The following PHLDB3 variants were observed in gnomAD, a reference collection of about 807,000 sequenced individuals.
PHLDB3 encodes the protein pleckstrin homology like domain family B member 3.
In PHLDB3, 86 loss-of-function variants were observed where a neutral mutation model predicts 85.7. The ratio of observed to expected loss-of-function variants is 1.00; its 90% CI spans 0.84 to 1.20. The LOEUF (loss-of-function observed/expected upper bound fraction) is 1.20, where lower values mean the gene tolerates loss of function less well. PHLDB3 is among the 50% of genes most tolerant of loss of function. The probability of loss-of-function intolerance (pLI) is 0.00; values close to 1 mark genes in which losing one functional copy is unlikely to be tolerated. For synonymous variants in PHLDB3, 376 were observed against 349.8 expected, an observed-to-expected ratio of 1.07 and a Z score of -0.83; for missense variants, 995 against 873.0, an observed-to-expected ratio of 1.14 and a Z score of -1.76.
chr19:43,488,526 C>T (rs1971237695), intron 9 of PHLDB3, among the ~76,000 whole-genome samples: 1 of 152,012 alleles, frequency 6.6e-6, no homozygotes, highest in African/African-American at 2.4e-5. Context: ...ACCCAGATGC[C>T]CTCACATGAT....
At chr19:43,501,580 A>C in intron 4 of PHLDB3, 154 bp downstream of exon 4, 2 of 1,383,492 alleles carry the variant, frequency 1.4e-6, no homozygotes, top group Admixed American at 2.9e-5. Context: ...GAGAAGGAAA[A>C]CCAGGAGGGG....
rs1158388376 is a variant in PHLDB3 at position 43,502,259 on chromosome 19, T to C, written c.238A>G (p.Met80Val). 1.3e-6 allele frequency: 2 copies of C among 1,563,978 alleles called. No homozygotes were observed. The highest frequency in any genetic ancestry group is 2.4e-5 in the East Asian group (1 of 42,198). The change falls in exon 3 of 16, where the codon ATG becomes GTG. Residue 80 changes from methionine (M) to valine (V), a missense_variant. By Grantham distance (21) the Met-to-Val change is conservative (BLOSUM62 1). Transcript: ENST00000292140. ...DAPEATPPIA[M>V]AATPPASTSS... is the part of the protein sequence containing the mutation. The stretch of plus-strand genomic sequence containing the variant: ...GTGGATGCGGGAGGTGTGGCCGCCA[T>C]AGCTATCGGAGGCGTAGCCTCGGGC...
In PHLDB3 at chr19:43,475,294, G is replaced by T; in HGVS notation, c.*116C>A. On this transcript the variant is annotated 3_prime_UTR_variant, in exon 16 of 16. Coordinates refer to ENST00000292140, the MANE Select transcript of PHLDB3 (RefSeq NM_198850.4). The stretch of plus-strand genomic sequence containing the variant: ...ACTGCCGCGCCTGCGGAATTCCCGG[G>T]AGAGTTCCAAAGCGGTGCGTCCAAG... 7.2e-7 allele frequency: 1 copy of T among 1,385,330 alleles called. No homozygotes were observed. The highest frequency in any genetic ancestry group is 9.7e-7 in the Non-Finnish European group (1 of 1,027,888). The allele number at this position is 1,385,330 out of a possible 1,614,324, so 85.8% of individuals were successfully genotyped here.
chr19:43,477,421 G>C (rs919378604), intron 15 of PHLDB3, among the ~76,000 whole-genome samples: 1 of 151,164 alleles, frequency 6.6e-6, no homozygotes, highest in African/African-American at 2.5e-5. Context: ...GGAGGCTGAG[G>C]CAGGAGAATC....
intron 9 of PHLDB3, among the ~76,000 whole-genome samples, chr19:43,489,082 G>A (rs1473068431): frequency 1.3e-5 from 2 of 152,136 alleles, no homozygotes; most frequent in Non-Finnish European, 2.9e-5. Context: ...TTACAGGCGT[G>A]AGCCACCGCA....
intron 4 of PHLDB3, among the ~76,000 whole-genome samples, chr19:43,500,864 T>C (rs976771772): frequency 4.3e-5 from 6 of 141,146 alleles, no homozygotes; most frequent in African/African-American, 8.1e-5. Flanking sequence ...GCTGGTCTCA[T>C]AGTCTTGGCC....
rs553356914 is a variant in PHLDB3 at position 43,495,204 on chromosome 19, G to A, written c.1035+52C>T. On this transcript the variant is annotated intron_variant, in intron 8 of 15. Transcript: ENST00000292140. ...CTGAGGGAGGAGGGGCTGGGGACTG[G>A]ACTTTCAAGTCTGAGGGAGGAGGGA... 1.0e-4 allele frequency: 161 copies of A among 1,548,478 alleles called. 1 individual carries two copies. The East Asian group carries it at 3.6e-3, about 35-fold the overall frequency.
In PHLDB3 at chr19:43,479,369, G is replaced by T; in HGVS notation, c.1702+8C>A. The T allele has an allele frequency of 2.6e-6, 4 of 1,555,668 alleles. No homozygotes were observed. Among genetic ancestry groups the T allele is most frequent in the Non-Finnish European group, 3.5e-6 (4 of 1,149,682 alleles). On this transcript the variant is annotated splice_region_variant and intron_variant, in intron 14 of 15. Coordinates refer to ENST00000292140, the MANE Select transcript of PHLDB3 (RefSeq NM_198850.4). ...TCCTGGGGCCCATGGTGGCCAGGCT[G>T]GGCTTACCCGCATAGTAGGCCAAGC...
chr19:43,488,089 G>A (rs2145915022), intron 9 of PHLDB3, among the ~76,000 whole-genome samples: 1 of 152,016 alleles, frequency 6.6e-6, no homozygotes, highest in Admixed American at 6.6e-5. Context: ...GGGAGGCAAA[G>A]GTTCCAGTGA....
intron 4 of PHLDB3, among the ~76,000 whole-genome samples, chr19:43,499,403 C>T (rs762910663): frequency 8.6e-5 from 13 of 151,612 alleles, no homozygotes; most frequent in Non-Finnish European, 1.9e-4. Flanking sequence ...GTCTGGACTT[C>T]TGGGTTTGAG....
chr19:43,501,764 C>T lies in PHLDB3; in HGVS notation c.504G>A (p.Ser168=), dbSNP rs758301393. ...LRELLEQQAA[S]EQRGRQQREQ... is the part of the protein sequence containing the mutation. ...CCCGCTGCTGGCGGCCGCGCTGCTC[C>T]GAGGCCGCCTGCTGCTCCAGCAGCT... Residue 168 remains serine, a synonymous_variant, in exon 4 of 16, where the codon TCG becomes TCA. Coordinates refer to ENST00000292140, the MANE Select transcript of PHLDB3 (RefSeq NM_198850.4). 27 of 1,582,632 alleles carry T rather than the reference C, an allele frequency of 1.7e-5. No homozygotes were observed. The Admixed American group carries it at 2.8e-4, about 17-fold the overall frequency.
In PHLDB3 at chr19:43,502,189, C is replaced by A; in HGVS notation, c.308G>T (p.Gly103Val). The part of the protein sequence containing the change: ...GVRGAARRLQ[G>V]QQLEALTRVA... ...ACGAGTCAATGCCTCCAGCTGCTGT[C>A]CTTGCAGGCGCCGCGCCGCCCCTCG... Residue 103 changes from glycine to valine, a missense_variant, in exon 3 of 16, where the codon GGA becomes GTA. Coordinates refer to ENST00000292140, the MANE Select transcript of PHLDB3 (RefSeq NM_198850.4). 1 of 1,575,860 alleles carries A rather than the reference C, an allele frequency of 6.3e-7. No individual in the cohort carries two copies. The highest frequency in any genetic ancestry group is 2.4e-5 in the East Asian group (1 of 42,548).
At chr19:43,484,120 G>C (rs1040920127) in intron 13 of PHLDB3, among the ~76,000 whole-genome samples, 3 of 151,816 alleles carry the variant, frequency 2.0e-5, no homozygotes, top group Non-Finnish European at 4.4e-5. Context: ...GCATGGTGGT[G>C]GGCGCCTGTA....
chr19:43,481,115 A>G (rs117209990), intron 13 of PHLDB3, among the ~76,000 whole-genome samples: 1 of 152,198 alleles, frequency 6.6e-6, no homozygotes, highest in Non-Finnish European at 1.5e-5. Context: ...GAGGTTCTGC[A>G]TGTCTGACAA....
In PHLDB3 at chr19:43,495,336, G is replaced by A. The variant is rs769409310; in HGVS notation, c.955C>T (p.Arg319Trp). 8.1e-6 allele frequency: 13 copies of A among 1,612,910 alleles called. No individual in the cohort carries two copies. Among genetic ancestry groups the A allele is most frequent in the African/African-American group, 2.7e-5 (2 of 74,940 alleles). ...CAATTGAGCTCGAGCAGCCGGCTCCGTTCCTACCAGAAGATATGGACAGCT... is the reference window on the plus strand; with the variant it reads ...CAATTGAGCTCGAGCAGCCGGCTCCATTCCTACCAGAAGATATGGACAGCT... The part of the protein sequence containing the change: ...EEALQALSQE[R>W]SRLLELNCLQ... The change falls in exon 8 of 16, where the codon CGG (arginine) becomes TGG (tryptophan). Residue 319 changes from arginine (R) to tryptophan (W), a missense_variant. By Grantham distance (101) the Arg-to-Trp change is moderately radical (BLOSUM62 -3). Coordinates refer to ENST00000292140, the MANE Select transcript of PHLDB3 (RefSeq NM_198850.4).
chr19:43,480,265 A>T (rs982877227), intron 13 of PHLDB3, among the ~76,000 whole-genome samples: 8 of 47,104 alleles, frequency 1.7e-4, no homozygotes, highest in Admixed American at 1.6e-4. Flanking sequence ...TTCTCTATTT[A>T]AAAAAAAAAA....
intron 4 of PHLDB3, among the ~76,000 whole-genome samples, chr19:43,500,733 C>G (rs1971566536): frequency 6.6e-6 from 1 of 152,156 alleles, no homozygotes; most frequent in Admixed American, 6.5e-5. Context: ...ACCTTCTGGG[C>G]TCAATTGATC....
chr19:43,477,918 G>A (rs1053245538), intron 15 of PHLDB3, 129 bp downstream of exon 15: 29 of 583,382 alleles, frequency 5.0e-5, no homozygotes, highest in Non-Finnish European at 7.8e-5. Context: ...CGACAAACAC[G>A]TACTCCTATG....
intron 3 of PHLDB3, 79 bp downstream of exon 3, chr19:43,502,022 C>G: frequency 1.3e-6 from 2 of 1,511,694 alleles, no homozygotes; most frequent in Non-Finnish European, 1.8e-6. Flanking sequence ...TGATCCCACC[C>G]GAGGAAAAAG....
Sources: allele counts gnomAD v4.1 joint callset (sites outside exome capture counted in the v4.1 genomes callset), GRCh38; gene constraint gnomAD v4.1.1; transcripts MANE v1.5; gene names NCBI Gene and HGNC (gene_info 2026-07-23, HGNC 2026-07-21).